Variants in STPG2 observed in about 807,000 individuals in gnomAD.
STPG2 encodes the protein sperm-tail PG-rich repeat-containing protein 2.
In STPG2, 56 loss-of-function variants were observed where a neutral mutation model predicts 54.2. The ratio of observed to expected loss-of-function variants is 1.03; its 90% CI spans 0.83 to 1.29. STPG2 has a LOEUF of 1.29. STPG2 is among the 50% of genes most tolerant of loss of function. The pLI is 0.00. For missense variants in STPG2, 596 were observed against 544.9 expected (o/e 1.09, Z -0.93); for synonymous variants, 200 against 181.8 (o/e 1.10, Z -0.81).
chr4:97,901,177 G>A (rs1396825250), intron 8 of STPG2, among the ~76,000 whole-genome samples: 1 of 151,808 alleles, frequency 6.6e-6, no homozygotes, highest in African/African-American at 2.4e-5. Flanking sequence ...CATAACTACA[G>A]AATGTACCTC....
At chr4:97,863,536 C>T (rs1045869812) in intron 8 of STPG2, among the ~76,000 whole-genome samples, 1 of 152,154 alleles carries the variant, frequency 6.6e-6, no homozygotes, top group African/African-American at 2.4e-5. Context: ...GGAGCTGGTA[C>T]CATTCCTTCT....
At chr4:98,082,292 A>G (rs1400454275) in intron 5 of STPG2, among the ~76,000 whole-genome samples, 4 of 152,192 alleles carry the variant, frequency 2.6e-5, no homozygotes, top group Non-Finnish European at 4.4e-5. Flanking sequence ...GAGCAACTCA[A>G]GACCTTGTTT....
intron 4 of STPG2, among the ~76,000 whole-genome samples, chr4:97,536,748 G>T (rs1731541343): frequency 6.6e-6 from 1 of 152,130 alleles, no homozygotes; most frequent in Non-Finnish European, 1.5e-5. Context: ...AAAGGACCTG[G>T]CTTGGCCCTT....
At chr4:97,761,702 A>T (rs989354922) in intron 9 of STPG2, among the ~76,000 whole-genome samples, 1 of 152,176 alleles carries the variant, frequency 6.6e-6, no homozygotes, top group African/African-American at 2.4e-5. Flanking sequence ...AAGTGATAAA[A>T]ATAGAGGACT....
At chr4:97,541,306 A>G (rs1358181334) in intron 4 of STPG2, among the ~76,000 whole-genome samples, 1 of 152,124 alleles carries the variant, frequency 6.6e-6, no homozygotes, top group East Asian at 1.9e-4. Flanking sequence ...AAAAATCACA[A>G]GCATTCTTAT....
intron 8 of STPG2, among the ~76,000 whole-genome samples, chr4:97,841,140 AT>A (rs1728790293): frequency 6.6e-6 from 1 of 151,790 alleles, no homozygotes; most frequent in Non-Finnish European, 1.5e-5. Context: ...TTAAAGTAAA[AT>A]AAACACAAGT....
chr4:97,444,697 C>A (rs1729175143), intron 4 of STPG2, among the ~76,000 whole-genome samples: 1 of 152,092 alleles, frequency 6.6e-6, no homozygotes, highest in African/African-American at 2.4e-5. Flanking sequence ...GAAAGAAGAA[C>A]AATGAAAGAG....
At chr4:98,016,565 A>C (rs1030246867) in intron 5 of STPG2, among the ~76,000 whole-genome samples, 1 of 151,862 alleles carries the variant, frequency 6.6e-6, no homozygotes, top group Non-Finnish European at 1.5e-5. Flanking sequence ...GGAATTTTTT[A>C]GTTCAGTCAT....
chr4:97,538,344 A>G (rs775916085), intron 4 of STPG2, among the ~76,000 whole-genome samples: 2 of 152,232 alleles, frequency 1.3e-5, no homozygotes, highest in Non-Finnish European at 2.9e-5. Flanking sequence ...AGAACTCCTT[A>G]AATAACCTAA....
intron 10 of STPG2, among the ~76,000 whole-genome samples, chr4:97,611,566 G>C (rs1023833446): frequency 1.8e-4 from 28 of 151,794 alleles, no homozygotes; most frequent in Non-Finnish European, 3.7e-4. Flanking sequence ...AATAGATTTA[G>C]GAAAGCTAAA....
At chr4:97,795,941 T>G (rs1358354968) in intron 9 of STPG2, among the ~76,000 whole-genome samples, 1 of 152,242 alleles carries the variant, frequency 6.6e-6, no homozygotes, top group African/African-American at 2.4e-5. Context: ...TGCATTTCCC[T>G]GATGGCCAGT....
At chr4:98,011,473 A>G (rs927740579) in intron 5 of STPG2, among the ~76,000 whole-genome samples, 1 of 152,098 alleles carries the variant, frequency 6.6e-6, no homozygotes, top group Admixed American at 6.6e-5. Context: ...TCGATATATA[A>G]TCAGTAATGG....
At chr4:98,058,177 A>G (rs1737537152) in intron 5 of STPG2, among the ~76,000 whole-genome samples, 1 of 152,208 alleles carries the variant, frequency 6.6e-6, no homozygotes, top group Non-Finnish European at 1.5e-5. Flanking sequence ...TAATCGGCTA[A>G]CATCATGATG....
chr4:97,594,838 G>C (rs1233732416), intron 10 of STPG2, among the ~76,000 whole-genome samples: 1 of 152,132 alleles, frequency 6.6e-6, no homozygotes, highest in Non-Finnish European at 1.5e-5. Context: ...CATATATTCA[G>C]TATTCTTAAA....
chr4:97,528,159 C>T (rs1731325859), intron 4 of STPG2, among the ~76,000 whole-genome samples: 1 of 152,126 alleles, frequency 6.6e-6, no homozygotes, highest in Non-Finnish European at 1.5e-5. Flanking sequence ...TTAATCCCAT[C>T]TTGAGTTAAT....
chr4:97,761,087 C>T (rs911213755), intron 9 of STPG2, among the ~76,000 whole-genome samples: 1 of 152,258 alleles, frequency 6.6e-6, no homozygotes, highest in Middle Eastern at 3.4e-3. Flanking sequence ...AAGATAATCT[C>T]CCCATCTCAT....
chr4:97,985,057 TA>T (rs36112548), intron 5 of STPG2, among the ~76,000 whole-genome samples: 59,251 of 151,950 alleles, frequency 0.39, 11,668 homozygotes, highest in Middle Eastern at 0.46. Flanking sequence ...AAAAATATAG[TA>T]CAACATATAT....
At chr4:97,680,494 T>C (rs902657759) in intron 10 of STPG2, among the ~76,000 whole-genome samples, 5 of 152,196 alleles carry the variant, frequency 3.3e-5, no homozygotes, top group Non-Finnish European at 7.3e-5. Context: ...CCTGAGACTT[T>C]GCTGAAGTTG....
At chr4:97,823,244 G>A (rs749544112) in intron 9 of STPG2, among the ~76,000 whole-genome samples, 7 of 152,182 alleles carry the variant, frequency 4.6e-5, no homozygotes, top group African/African-American at 9.7e-5. Flanking sequence ...AGAAGTCAAC[G>A]CCTGGCTTCA....
Sources: allele counts gnomAD v4.1 joint callset (sites outside exome capture counted in the v4.1 genomes callset), GRCh38; gene constraint gnomAD v4.1.1; transcripts MANE v1.5; gene names NCBI Gene and HGNC (gene_info 2026-07-23, HGNC 2026-07-21).